Variants in ADGRL3 observed in about 807,000 individuals in gnomAD.
ADGRL3 encodes adhesion G protein-coupled receptor L3, also known as calcium-independent alpha-latrotoxin receptor 3.
ADGRL3 carries 62 observed loss-of-function variants against 153.5 expected under a neutral mutation model. The ratio of observed to expected loss-of-function variants is 0.40; its 90% CI spans 0.33 to 0.50. The LOEUF (loss-of-function observed/expected upper bound fraction) is 0.50, where lower values mean the gene tolerates loss of function less well. ADGRL3 is among the 20% of genes least tolerant of loss of function. The pLI, the probability that ADGRL3 is intolerant of heterozygous loss-of-function variation, is 0.47. For synonymous variants in ADGRL3, 710 were observed against 672.5 expected (o/e 1.06, Z -0.86); for missense variants, 1,641 against 1,859.4 (o/e 0.88, Z 2.16).
In ADGRL3 at chr4:61,708,484, G is replaced by GT. The variant is rs10706547; in HGVS notation, c.584-22128dup. Among the ~76,000 whole-genome samples the GT allele has an allele frequency of 9.6e-4, 144 of 150,258 alleles. 2 individuals carry two copies. The Middle Eastern group carries it at 0.01, about 11-fold the overall frequency. ...TGTTATTTAAAGTTTTACAGTCTTT[G>GT]TTTTTTTTTTATTATTTGAAATTTT... On this transcript the variant is annotated intron_variant, in intron 6 of 26. Transcript: ENST00000683033.
chr4:61,525,664 A>G (rs1348159890), intron 4 of ADGRL3, among the ~76,000 whole-genome samples: 3 of 152,072 alleles, frequency 2.0e-5, no homozygotes, highest in Non-Finnish European at 4.4e-5. Flanking sequence ...GGAGATAGCA[A>G]TGGGGATGGA....
intron 2 of ADGRL3, among the ~76,000 whole-genome samples, chr4:61,487,398 A>G (rs1006464374): frequency 5.3e-5 from 8 of 152,176 alleles, no homozygotes; most frequent in Non-Finnish European, 8.8e-5. Flanking sequence ...AAATGAGTTA[A>G]TACATGGGAG....
chr4:61,933,398 T>C (rs1192027507), intron 13 of ADGRL3, among the ~76,000 whole-genome samples: 1 of 152,188 alleles, frequency 6.6e-6, no homozygotes, highest in Non-Finnish European at 1.5e-5. Flanking sequence ...AGAAGTACTT[T>C]TGTCTGGCTA....
chr4:61,289,989 T>G (rs1007904624), intron 1 of ADGRL3, among the ~76,000 whole-genome samples: 1 of 152,216 alleles, frequency 6.6e-6, no homozygotes, highest in Non-Finnish European at 1.5e-5. Context: ...ATAATTTGAT[T>G]TGTGAATCTT....
intron 9 of ADGRL3, among the ~76,000 whole-genome samples, chr4:61,870,023 GAAGA>G (rs571495856): frequency 0.033 from 4,321 of 132,532 alleles, 99 homozygotes; most frequent in Non-Finnish European, 0.052. Context: ...AGGAAAGAAA[GAAGA>G]AAGAAAGAAA....
chr4:62,056,121 C>T (rs1736868171), intron 25 of ADGRL3, among the ~76,000 whole-genome samples: 1 of 151,382 alleles, frequency 6.6e-6, no homozygotes, highest in Non-Finnish European at 1.5e-5. Context: ...CATGTGTGAC[C>T]TTGAATAAAT....
rs372420919 is a variant in ADGRL3, at chr4:61,589,608, C to G, written c.473+2168C>G. On this transcript the variant is annotated intron_variant, in intron 5 of 26. Transcript: ENST00000683033. The stretch of plus-strand genomic sequence containing the variant: ...TTAAACTTCTAGAAAGAGACTATAT[C>G]AGAGTCTAAACGTTTCTAAGCATGT... Among the ~76,000 whole-genome samples, 4 of 152,082 alleles carry G rather than the reference C, an allele frequency of 2.6e-5. No homozygotes were observed. The East Asian group carries it at 5.8e-4, about 22-fold the overall frequency.
At chr4:61,289,527 C>A (rs1164782451) in intron 1 of ADGRL3, among the ~76,000 whole-genome samples, 1 of 151,880 alleles carries the variant, frequency 6.6e-6, no homozygotes, top group Non-Finnish European at 1.5e-5. Flanking sequence ...GCCTTTATGG[C>A]ATAGTCATAA....
intron 6 of ADGRL3, among the ~76,000 whole-genome samples, chr4:61,705,626 T>C (rs896025149): frequency 5.9e-5 from 9 of 151,940 alleles, no homozygotes; most frequent in African/African-American, 2.2e-4. Context: ...GCCTCCCAAG[T>C]AGCTGGGATT....
At chr4:61,322,043 G>A (rs1163720160) in intron 1 of ADGRL3, among the ~76,000 whole-genome samples, 1 of 152,158 alleles carries the variant, frequency 6.6e-6, no homozygotes, top group African/African-American at 2.4e-5. Flanking sequence ...AGGTTTATTG[G>A]ACTTACAGTT....
chr4:61,728,599 A>G (rs1218590464), intron 6 of ADGRL3, among the ~76,000 whole-genome samples: 1 of 152,082 alleles, frequency 6.6e-6, no homozygotes, highest in Non-Finnish European at 1.5e-5. Flanking sequence ...TATGTTAAAA[A>G]AGACTAAAGT....
chr4:61,212,379 C>G (rs1341940271), intron 1 of ADGRL3, among the ~76,000 whole-genome samples: 3 of 152,066 alleles, frequency 2.0e-5, no homozygotes, highest in Admixed American at 1.3e-4. Flanking sequence ...TGTTTAGAGG[C>G]AGAGTATTCA....
chr4:61,527,069 A>C, intron 4 of ADGRL3, among the ~76,000 whole-genome samples: 1 of 152,194 alleles, frequency 6.6e-6, no homozygotes, highest in South Asian at 2.1e-4. Flanking sequence ...ACATAGAAAT[A>C]TTTATATTCA....
intron 2 of ADGRL3, among the ~76,000 whole-genome samples, chr4:61,398,596 G>A (rs1216282485): frequency 1.3e-5 from 2 of 151,288 alleles, no homozygotes; most frequent in African/African-American, 4.8e-5. Context: ...TGCCTTTCCT[G>A]TCTTCCCTAG....
intron 5 of ADGRL3, among the ~76,000 whole-genome samples, chr4:61,659,281 A>C (rs1487173633): frequency 6.6e-6 from 1 of 152,158 alleles, no homozygotes; most frequent in Non-Finnish European, 1.5e-5. Context: ...TTAGCTCTTA[A>C]ACATATCTTT....
At chr4:61,649,779 C>A (rs1027688849) in intron 5 of ADGRL3, among the ~76,000 whole-genome samples, 1 of 152,098 alleles carries the variant, frequency 6.6e-6, no homozygotes, top group African/African-American at 2.4e-5. Flanking sequence ...CCAGAACCAA[C>A]AGACATGGTA....
intron 16 of ADGRL3, 49 bp downstream of exon 16, chr4:61,947,171 A>G: frequency 7.2e-7 from 1 of 1,381,188 alleles, no homozygotes; most frequent in Non-Finnish European, 1.0e-6. Context: ...CTGTATTTTT[A>G]TAACACTGAA....
intron 9 of ADGRL3, among the ~76,000 whole-genome samples, chr4:61,849,690 A>G (rs2098178835): frequency 6.6e-6 from 1 of 152,090 alleles, no homozygotes; most frequent in African/African-American, 2.4e-5. Flanking sequence ...GATTTTAATT[A>G]TCTTTAGGTT....
In ADGRL3 at chr4:61,487,043, G is replaced by A. The variant is rs556143131; in HGVS notation, c.-173-10078G>A. Among the ~76,000 whole-genome samples the A allele has an allele frequency of 8.5e-5, 13 of 152,290 alleles. No individual in the cohort carries two copies. The East Asian group carries it at 2.1e-3, about 25-fold the overall frequency. Reference sequence around the variant, plus strand: ...GTTTGTTTTAATATTTTAGTGTATAGCTATACTCTAGGTCTTCACCTCACT... The same window carrying A: ...GTTTGTTTTAATATTTTAGTGTATAACTATACTCTAGGTCTTCACCTCACT... On this transcript the variant is annotated intron_variant, in intron 2 of 26. Transcript: ENST00000683033.
Sources: gnomAD v4.1 joint callset for allele counts (sites outside exome capture counted in the v4.1 genomes callset) on GRCh38, gnomAD v4.1.1 for gene constraint, MANE v1.5 for transcripts, NCBI Gene and HGNC (gene_info 2026-07-23, HGNC 2026-07-21) for gene names.